Variants in PTGS1 observed in about 807,000 individuals in gnomAD.
PTGS1 encodes the protein prostaglandin-endoperoxide synthase 1.
In PTGS1, 40 loss-of-function variants were observed where a neutral mutation model predicts 63.0. That is an observed-to-expected ratio of 0.63 (90% CI 0.49 to 0.83). The LOEUF (loss-of-function observed/expected upper bound fraction) is 0.83. Ranked by LOEUF, PTGS1 falls within the 40% of genes least tolerant of loss-of-function variation. The pLI, the probability that PTGS1 is intolerant of heterozygous loss-of-function variation, is 0.00. For synonymous variants in PTGS1, 298 were observed against 301.9 expected (o/e 0.99, Z 0.13); for missense variants, 709 against 786.5 (o/e 0.90, Z 1.18).
intron 3 of PTGS1, 25 bp downstream of exon 3, chr9:122,378,040 T>C (rs1338429779): frequency 6.3e-7 from 1 of 1,592,962 alleles, no homozygotes; most frequent in Non-Finnish European, 8.6e-7. Flanking sequence ...CAGCCCTCAC[T>C]CCTTCCGTCT....
At chr9:122,382,405 AT>A (rs1306587189) in intron 7 of PTGS1, among the ~76,000 whole-genome samples, 1 of 152,186 alleles carries the variant, frequency 6.6e-6, no homozygotes, top group East Asian at 1.9e-4. Flanking sequence ...GGGCATCTCA[AT>A]TTGGATGCTC....
Position 122,381,821 on chromosome 9 carries a change from G to A in PTGS1, c.762+74G>A, listed in dbSNP as rs368323594. The A allele has an allele frequency of 1.1e-4, 158 of 1,468,802 alleles. 1 individual carries two copies. The Middle Eastern group carries it at 3.5e-3, about 33-fold the overall frequency. The allele number at this position is 1,468,802 out of a possible 1,614,324, so 91.0% of individuals were successfully genotyped here. A position where few individuals can be genotyped will look rare whatever the true frequency, so the allele number is the denominator to read the frequency against. On this transcript the variant is annotated intron_variant, in intron 7 of 10. Coordinates refer to ENST00000362012, the MANE Select transcript of PTGS1 (RefSeq NM_000962.4). ...TTCCCTGGCAAAGACTGCTTGGGGC[G>A]GGGGTCTGGGTCATGTCCTGAGAGG...
At chr9:122,379,187 G>A (rs77031268) in intron 5 of PTGS1, among the ~76,000 whole-genome samples, 35 of 152,136 alleles carry the variant, frequency 2.3e-4, no homozygotes, top group African/African-American at 8.0e-4. Flanking sequence ...GGGTCCTGCC[G>A]GGGTGGAAGT....
intron 2 of PTGS1, 44 bp from the exon 3 acceptor site, chr9:122,377,855 A>G (rs764553888): frequency 6.4e-7 from 1 of 1,557,220 alleles, no homozygotes; most frequent in South Asian, 1.1e-5. Flanking sequence ...GGGGGTCAGG[A>G]GGCCACCCTA....
At chr9:122,378,103 C>T (rs1837283798) in intron 3 of PTGS1, 88 bp downstream of exon 3, 1 of 1,236,330 alleles carries the variant, frequency 8.1e-7, no homozygotes, top group African/African-American at 1.5e-5. Context: ...TTCCTACCCT[C>T]CTCTCTGACC....
chr9:122,378,503 CGG>C lies in PTGS1; in HGVS notation c.284_285del (p.Gly95AlafsTer39). ...PSFTHFLLTH[G>X]RWFWEFVNAT... ...CTTTCACCCACTTCCTGCTCACTCA[CGG>C]GCGCTGGTTCTGGGAGTTTGTCAAT... On this transcript the variant is annotated frameshift_variant, in exon 4 of 11. Transcript: ENST00000362012. LOFTEE classifies it high-confidence loss of function. 1 of 1,614,252 alleles carries C rather than the reference CGG, an allele frequency of 6.2e-7. No homozygotes were observed. Among genetic ancestry groups the C allele is most frequent in the Non-Finnish European group, 8.5e-7 (1 of 1,180,046 alleles).
chr9:122,373,237 T>C (rs1769658256), intron 2 of PTGS1, among the ~76,000 whole-genome samples: 1 of 152,130 alleles, frequency 6.6e-6, no homozygotes, highest in African/African-American at 2.4e-5. Flanking sequence ...GTACCGAGGC[T>C]CCTGCAAGGA....
chr9:122,378,926 G>T lies in PTGS1; in HGVS notation c.496+8G>T, dbSNP rs1186323030. ...CACCCATGGGAACCAAAGGTAAAAT[G>T]GGGTGAGGAGCTGGGCCTGGGGATT... On this transcript the variant is annotated splice_region_variant and intron_variant, in intron 5 of 10. Transcript: ENST00000362012. 6.2e-7 allele frequency: 1 copy of T among 1,613,978 alleles called. No individual in the cohort carries two copies. Among genetic ancestry groups the T allele is most frequent in the Non-Finnish European group, 8.5e-7 (1 of 1,179,980 alleles).
Position 122,378,516 on chromosome 9 carries a change from T to C in PTGS1, c.295T>C (p.Trp99Arg). The C allele has an allele frequency of 6.2e-7, 1 of 1,614,232 alleles. No individual in the cohort carries two copies. Among genetic ancestry groups the C allele is most frequent in the East Asian group, 2.2e-5 (1 of 44,880 alleles). The change falls in exon 4 of 11, where the codon TGG becomes CGG. Residue 99 changes from tryptophan to arginine, a missense_variant. Transcript: ENST00000362012. ...CCTGCTCACTCACGGGCGCTGGTTCTGGGAGTTTGTCAATGCCACCTTCAT... is the reference window on the plus strand; with the variant it reads ...CCTGCTCACTCACGGGCGCTGGTTCCGGGAGTTTGTCAATGCCACCTTCAT... The part of the protein sequence containing the change: ...HFLLTHGRWF[W>R]EFVNATFIRE...
Position 122,395,637 on chromosome 9 carries a change from G to A in PTGS1, c.*3093G>A, listed in dbSNP as rs1838534366. ...TTCCAGCCTGCTAGTCTGCCCTATG[G>A]ATTTGAAGTTTGCCAACCCCAACAA... On this transcript the variant is annotated 3_prime_UTR_variant, in exon 11 of 11. Transcript: ENST00000362012. 1 of 152,100 alleles carries A rather than the reference G, an allele frequency of 6.6e-6. No homozygotes were observed. The highest frequency in any genetic ancestry group is 1.5e-5 in the Non-Finnish European group (1 of 68,044). 9.4% of individuals were successfully genotyped at this position (152,100 alleles called of 1,614,324 possible).
At chr9:122,380,508 AATAG>A (rs888906965) in intron 5 of PTGS1, among the ~76,000 whole-genome samples, 1 of 148,650 alleles carries the variant, frequency 6.7e-6, no homozygotes, top group Non-Finnish European at 1.5e-5. Flanking sequence ...TAAATAAATA[AATAG>A]GTTGGCAAAC....
At chr9:122,381,814 T>A in intron 7 of PTGS1, 67 bp downstream of exon 7, 1 of 1,498,954 alleles carries the variant, frequency 6.7e-7, no homozygotes. Flanking sequence ...CAAAGACTGC[T>A]TGGGGCGGGG....
chr9:122,387,325 G>C (rs1228240594), intron 9 of PTGS1, among the ~76,000 whole-genome samples: 3 of 152,056 alleles, frequency 2.0e-5, no homozygotes, highest in Non-Finnish European at 4.4e-5. Flanking sequence ...GGAACAGAAG[G>C]ACATTCAGGG....
intron 9 of PTGS1, among the ~76,000 whole-genome samples, chr9:122,388,405 A>G (rs1838010050): frequency 6.6e-6 from 1 of 152,200 alleles, no homozygotes; most frequent in African/African-American, 2.4e-5. Context: ...CTACCCTCTC[A>G]GGGGTTCCCA....
intron 8 of PTGS1, among the ~76,000 whole-genome samples, chr9:122,384,675 C>T (rs1468669390): frequency 2.6e-5 from 4 of 152,140 alleles, no homozygotes; most frequent in Non-Finnish European, 5.9e-5. Context: ...TCTCCAGGGA[C>T]ACTCAGCAGA....
chr9:122,378,652 G>T, intron 4 of PTGS1, 79 bp downstream of exon 4: 1 of 1,608,112 alleles, frequency 6.2e-7, no homozygotes, highest in Non-Finnish European at 8.5e-7. Flanking sequence ...CATCTGATAA[G>T]GGTAGTGGGT....
intron 9 of PTGS1, among the ~76,000 whole-genome samples, chr9:122,389,357 G>A (rs996981135): frequency 2.0e-5 from 3 of 151,662 alleles, no homozygotes; most frequent in Non-Finnish European, 2.9e-5. Context: ...TGCCATGTTG[G>A]CCAGGCTGGT....
Position 122,392,575 on chromosome 9 carries a change from A to G in PTGS1, c.*31A>G, listed in dbSNP as rs1161065294. 3 of 1,583,932 alleles carry G rather than the reference A, an allele frequency of 1.9e-6. No homozygotes were observed. Among genetic ancestry groups the G allele is most frequent in the Admixed American group, 1.7e-5 (1 of 58,458 alleles). On this transcript the variant is annotated 3_prime_UTR_variant, in exon 11 of 11. Coordinates refer to ENST00000362012, the MANE Select transcript of PTGS1 (RefSeq NM_000962.4). ...AGGAAAGCAGCATTCTGGAGGGGAGAGCTTTGTGCTTGTCATTCCAGAGTG... is the reference window on the plus strand; with the variant it reads ...AGGAAAGCAGCATTCTGGAGGGGAGGGCTTTGTGCTTGTCATTCCAGAGTG...
chr9:122,380,544 G>A lies in PTGS1; in HGVS notation c.497-827G>A, dbSNP rs377216155. ...AAACTACAGCCTGCAGGCCAAATTC[G>A]GCCCACCTCTCCATTTTTGTAAATA... On this transcript the variant is annotated intron_variant, in intron 5 of 10. Transcript: ENST00000362012. Among the ~76,000 whole-genome samples, 5 of 151,786 alleles carry A rather than the reference G, an allele frequency of 3.3e-5. No homozygotes were observed. In the South Asian group the frequency reaches 6.3e-4, roughly 19 times the overall value.
Sources: gnomAD v4.1 joint callset for allele counts (sites outside exome capture counted in the v4.1 genomes callset) on GRCh38, gnomAD v4.1.1 for gene constraint, MANE v1.5 for transcripts, NCBI Gene and HGNC (gene_info 2026-07-23, HGNC 2026-07-21) for gene names.